MCTP2: variants seen among roughly 807,000 people sequenced by gnomAD.
MCTP2 encodes the protein multiple C2 and transmembrane domain containing 2.
A neutral mutation model predicts 111.6 loss-of-function variants in MCTP2; 132 were observed. The ratio of observed to expected loss-of-function variants is 1.18; its 90% CI spans 1.03 to 1.37. MCTP2 has a LOEUF of 1.37. MCTP2 is among the 40% of genes most tolerant of loss of function. MCTP2 has a pLI of 0.00. For missense variants in MCTP2, 1,183 were observed against 1,067.9 expected, an observed-to-expected ratio of 1.11 and a Z score of -1.50; for synonymous variants, 395 against 387.7, an observed-to-expected ratio of 1.02 and a Z score of -0.22.
Position 94,470,647 on chromosome 15 carries a change from T to TA in MCTP2, c.2470+205_2470+206insA, listed in dbSNP as rs72647780. On this transcript the variant is annotated intron_variant, in intron 21 of 22. Transcript: ENST00000357742. ...ATCAGCATAGATATTTATAGGCCTCTTGCATAATTGCAATCAAATAAAAAT... is the reference window on the plus strand; with the variant it reads ...ATCAGCATAGATATTTATAGGCCTCTATGCATAATTGCAATCAAATAAAAAT... 3.0e-3 allele frequency among the ~76,000 whole-genome samples: 455 copies of TA among 152,348 alleles called. 1 individual carries two copies. Among genetic ancestry groups the TA allele is most frequent in the Non-Finnish European group, 3.3e-3 (225 of 68,024 alleles).
intron 4 of MCTP2, among the ~76,000 whole-genome samples, chr15:94,323,139 T>G (rs2076702325): frequency 6.6e-6 from 1 of 152,006 alleles, no homozygotes; most frequent in South Asian, 2.1e-4. Context: ...TTTCTGGGAG[T>G]TTTGGTGAAG....
rs759603820 is a variant in MCTP2, at chr15:94,243,990, T to C, written c.-66+12326T>C. Among the ~76,000 whole-genome samples, 90 of 147,512 alleles carry C rather than the reference T, an allele frequency of 6.1e-4. 1 individual carries two copies. The highest frequency in any genetic ancestry group is 1.2e-3 in the Non-Finnish European group (79 of 66,102). ...ACACATATGTATACACATACATATGTGTATATATTTATGCACACATATGTA... is the reference window on the plus strand; with the variant it reads ...ACACATATGTATACACATACATATGCGTATATATTTATGCACACATATGTA... On this transcript the variant is annotated intron_variant, in intron 1 of 22. Transcript: ENST00000357742.
chr15:94,402,605 A>T, intron 17 of MCTP2: 1 of 1,550,722 alleles, frequency 6.4e-7, no homozygotes, highest in Non-Finnish European at 8.7e-7. Flanking sequence ...TCTTAAAACC[A>T]CCTAAGTCTA....
At chr15:94,443,336 C>T (rs1337475149) in intron 19 of MCTP2, among the ~76,000 whole-genome samples, 3 of 152,140 alleles carry the variant, frequency 2.0e-5, no homozygotes, top group African/African-American at 4.8e-5. Flanking sequence ...GGTGGTCACC[C>T]ACTTCCGCGC....
At chr15:94,448,746 G>A (rs2084270111) in intron 19 of MCTP2, among the ~76,000 whole-genome samples, 1 of 152,178 alleles carries the variant, frequency 6.6e-6, no homozygotes, top group Non-Finnish European at 1.5e-5. Context: ...TGAGAAGGTA[G>A]AAGACATTGG....
rs2077520688 is a variant in MCTP2 at position 94,339,368 on chromosome 15, A to G, written c.716A>G (p.Asn239Ser). Reference sequence around the variant, plus strand: ...AGTAAAGTCATATATAAGAACTTGAACCCAGTATGGGATGAGATAGTTGTA... The same window carrying G: ...AGTAAAGTCATATATAAGAACTTGAGCCCAGTATGGGATGAGATAGTTGTA... ...YKSKVIYKNL[N>S]PVWDEIVVLP... Residue 239 changes from asparagine (N) to serine (S), a missense_variant, in exon 5 of 23, where the codon AAC (asparagine) becomes AGC (serine). Coordinates refer to ENST00000357742, the MANE Select transcript of MCTP2 (RefSeq NM_001385001.1). 6.2e-7 allele frequency: 1 copy of G among 1,612,676 alleles called. No homozygotes were observed. The highest frequency in any genetic ancestry group is 8.5e-7 in the Non-Finnish European group (1 of 1,179,104).
chr15:94,445,420 T>C (rs1236323331), intron 19 of MCTP2, among the ~76,000 whole-genome samples: 2 of 152,258 alleles, frequency 1.3e-5, no homozygotes, highest in African/African-American at 4.8e-5. Context: ...TGTTTATGCC[T>C]CTTCTGCTTA....
chr15:94,312,650 G>A (rs2076198327), intron 2 of MCTP2, among the ~76,000 whole-genome samples: 1 of 152,208 alleles, frequency 6.6e-6, no homozygotes, highest in Non-Finnish European at 1.5e-5. Flanking sequence ...TGGGACTGAT[G>A]GGGAAAGAGG....
At chr15:94,327,628 G>C (rs560213177) in intron 4 of MCTP2, among the ~76,000 whole-genome samples, 1 of 152,354 alleles carries the variant, frequency 6.6e-6, no homozygotes, top group African/African-American at 2.4e-5. Context: ...ACCTTTCAAA[G>C]ATGCAGACAC....
chr15:94,383,910 G>A, intron 12 of MCTP2, 112 bp from the exon 13 acceptor site: 1 of 748,156 alleles, frequency 1.3e-6, no homozygotes, highest in Non-Finnish European at 2.3e-6. Context: ...TGGAAAAGCA[G>A]TCTTGCCTTC....
At chr15:94,450,756 T>A in intron 19 of MCTP2, among the ~76,000 whole-genome samples, 1 of 152,222 alleles carries the variant, frequency 6.6e-6, no homozygotes, top group Admixed American at 6.5e-5. Context: ...CTGTGACAAA[T>A]ACTACTCAGT....
At chr15:94,231,383 A>G (rs2070151224), upstream of MCTP2, among the ~76,000 whole-genome samples, 1 of 152,248 alleles carries the variant, frequency 6.6e-6, no homozygotes, top group South Asian at 2.1e-4. Flanking sequence ...AGCACCAAGC[A>G]TAGCGCCTCC....
intron 1 of MCTP2, among the ~76,000 whole-genome samples, chr15:94,236,851 G>A (rs1435707749): frequency 6.6e-6 from 1 of 152,146 alleles, no homozygotes; most frequent in Non-Finnish European, 1.5e-5. Context: ...CAGGAGGGAG[G>A]TAGGTTATTG....
intron 1 of MCTP2, among the ~76,000 whole-genome samples, chr15:94,262,075 T>A (rs1343560866): frequency 2.6e-5 from 4 of 152,222 alleles, no homozygotes; most frequent in African/African-American, 9.6e-5. Context: ...CACAGCAGTA[T>A]AATCTACTGT....
chr15:94,262,540 G>A (rs1415610150), intron 1 of MCTP2, among the ~76,000 whole-genome samples: 1 of 152,162 alleles, frequency 6.6e-6, no homozygotes, highest in Non-Finnish European at 1.5e-5. Context: ...TTTCGATTTA[G>A]TATACATTTA....
chr15:94,384,948 G>A (rs62016134), intron 13 of MCTP2, among the ~76,000 whole-genome samples: 22,790 of 152,018 alleles, frequency 0.15, 1,941 homozygotes, highest in African/African-American at 0.21. Flanking sequence ...ATTAAAATAT[G>A]TATATTTTTA....
At chr15:94,249,556 G>C (rs1188109454) in intron 1 of MCTP2, among the ~76,000 whole-genome samples, 1 of 151,556 alleles carries the variant, frequency 6.6e-6, no homozygotes, top group African/African-American at 2.4e-5. Context: ...CGCGATCTCA[G>C]CTCACTGCAA....
chr15:94,376,482 C>T (rs2079780227), intron 12 of MCTP2, among the ~76,000 whole-genome samples: 1 of 152,184 alleles, frequency 6.6e-6, no homozygotes, highest in Non-Finnish European at 1.5e-5. Context: ...GCCTTAGGCT[C>T]CCTCTAAGCC....
rs1300264210 is a variant in MCTP2 at position 94,480,087 on chromosome 15, T to C, written c.*1053T>C. On this transcript the variant is annotated 3_prime_UTR_variant, in exon 23 of 23. Coordinates refer to ENST00000357742, the MANE Select transcript of MCTP2 (RefSeq NM_001385001.1). ...ATTTCTAGAAAATACCACCCCAGAG[T>C]CCTCATTTGATAGCATCTGTCTCCT... 1 of 151,890 alleles carries C rather than the reference T, an allele frequency of 6.6e-6. No individual in the cohort carries two copies. The highest frequency in any genetic ancestry group is 1.5e-5 in the Non-Finnish European group (1 of 67,944). 9.4% of individuals were successfully genotyped at this position (151,890 alleles called of 1,614,324 possible). A position where few individuals can be genotyped will look rare whatever the true frequency, so the allele number is the denominator to read the frequency against.
Sources: gnomAD v4.1 joint callset for allele counts (sites outside exome capture counted in the v4.1 genomes callset) on GRCh38, gnomAD v4.1.1 for gene constraint, MANE v1.5 for transcripts, NCBI Gene and HGNC (gene_info 2026-07-23, HGNC 2026-07-21) for gene names.